SNRPD3: variants seen among roughly 807,000 people sequenced by gnomAD.
SNRPD3 encodes the protein small nuclear ribonucleoprotein D3 polypeptide, also known as small nuclear ribonucleoprotein Sm D3.
For synonymous variants in SNRPD3, 66 were observed against 58.4 expected, an observed-to-expected ratio of 1.13 and a Z score of -0.59; for missense variants, 73 against 167.5, an observed-to-expected ratio of 0.44 and a Z score of 3.11.
At chr22:24,565,108 C>T (rs1274319926) in intron 2 of SNRPD3, among the ~76,000 whole-genome samples, 1 of 151,944 alleles carries the variant, frequency 6.6e-6, no homozygotes, top group African/African-American at 2.4e-5. Flanking sequence ...TGGTCTCAAA[C>T]TCCTGACCTC....
intron 1 of SNRPD3, among the ~76,000 whole-genome samples, chr22:24,556,366 GT>G (rs1381490390): frequency 1.2e-4 from 7 of 56,478 alleles, no homozygotes; most frequent in East Asian, 5.1e-4. Context: ...AATCCTATGA[GT>G]TTTTTTTTGT....
chr22:24,557,731 A>T lies in SNRPD3; in HGVS notation c.57A>T (p.Thr19=). 1 of 1,612,902 alleles carries T rather than the reference A, an allele frequency of 6.2e-7. No individual in the cohort carries two copies. The highest frequency in any genetic ancestry group is 8.5e-7 in the Non-Finnish European group (1 of 1,179,324). ...VLHEAEGHIV[T]CETNTGEVYR... ...ATGAGGCCGAGGGCCACATTGTGAC[A>T]TGTGAGACGAACACCGGTGAGGTAT... Residue 19 remains threonine, a synonymous_variant, in exon 2 of 4, where the codon ACA becomes ACT. Coordinates refer to ENST00000215829, the MANE Select transcript of SNRPD3 (RefSeq NM_004175.5).
intron 2 of SNRPD3, among the ~76,000 whole-genome samples, chr22:24,560,715 CTTTTTTTT>C (rs59348518): frequency 0.079 from 7,776 of 98,608 alleles, 1,739 homozygotes; most frequent in Non-Finnish European, 0.098. Flanking sequence ...TGCACCTGGC[CTTTTTTTT>C]TTTTTTTTTT....
chr22:24,574,363 A>G lies in SNRPD3; in HGVS notation c.*2386A>G, dbSNP rs1222969454. Among the ~76,000 whole-genome samples the G allele has an allele frequency of 1.3e-5, 2 of 152,222 alleles. No homozygotes were observed. Among genetic ancestry groups the G allele is most frequent in the African/African-American group, 4.8e-5 (2 of 41,464 alleles). On this transcript the variant is annotated 3_prime_UTR_variant, in exon 4 of 4. Coordinates refer to ENST00000215829, the MANE Select transcript of SNRPD3 (RefSeq NM_004175.5). Reference sequence around the variant, plus strand: ...ATCCTGCATCTTAGGGGGGAAAATCAGTTGACGCAGATTGAAAACAAGTTG... The same window carrying G: ...ATCCTGCATCTTAGGGGGGAAAATCGGTTGACGCAGATTGAAAACAAGTTG...
At position 24,556,007 on chromosome 22, in the gene SNRPD3, G is replaced by C. The variant is rs1189461139; in HGVS notation, c.-83G>C. 1 of 645,866 alleles carries C rather than the reference G, an allele frequency of 1.5e-6. No individual in the cohort carries two copies. 40.0% of individuals were successfully genotyped at this position (645,866 alleles called of 1,614,324 possible). The stretch of plus-strand genomic sequence containing the variant: ...TGGGTGTTAGGCCCGCCATTCGCTT[G>C]ACTCACGCCTTCGCCGTAGCATCTT... On this transcript the variant is annotated 5_prime_UTR_variant, in exon 1 of 4. Coordinates refer to ENST00000215829, the MANE Select transcript of SNRPD3 (RefSeq NM_004175.5).
intron 3 of SNRPD3, among the ~76,000 whole-genome samples, chr22:24,570,444 G>A (rs1166463562): frequency 6.6e-6 from 1 of 152,170 alleles, no homozygotes; most frequent in African/African-American, 2.4e-5. Flanking sequence ...TAGCACTTTG[G>A]GAGGCCGAGG....
intron 3 of SNRPD3, among the ~76,000 whole-genome samples, chr22:24,570,266 G>A (rs908475127): frequency 1.3e-5 from 2 of 152,244 alleles, no homozygotes; most frequent in Non-Finnish European, 2.9e-5. Context: ...TCAAGAGAGA[G>A]ATTCTGTCTC....
chr22:24,566,394 C>T (rs1308272263), intron 2 of SNRPD3, among the ~76,000 whole-genome samples: 1 of 152,158 alleles, frequency 6.6e-6, no homozygotes, highest in African/African-American at 2.4e-5. Context: ...ACCTCAGCTT[C>T]CCGAGTAGCT....
intron 3 of SNRPD3, among the ~76,000 whole-genome samples, chr22:24,568,809 C>A (rs1194636452): frequency 6.6e-6 from 1 of 152,154 alleles, no homozygotes; most frequent in Non-Finnish European, 1.5e-5. Flanking sequence ...CCTGCCTCAG[C>A]CTCCCAAAGT....
chr22:24,571,805 A>G, intron 3 of SNRPD3, 111 bp from the exon 4 acceptor site: 3 of 1,004,150 alleles, frequency 3.0e-6, no homozygotes, highest in African/African-American at 1.6e-5. Flanking sequence ...GTGTTGGACC[A>G]GGTAACCCTT....
At chr22:24,555,688 C>T (rs1314044664), upstream of SNRPD3, 17 of 1,550,568 alleles carry the variant, frequency 1.1e-5, no homozygotes, top group Admixed American at 2.4e-4. Flanking sequence ...CTGCTGTCCC[C>T]GGTCTGAGGG....
intron 2 of SNRPD3, among the ~76,000 whole-genome samples, chr22:24,560,728 T>TCC (rs2045131300): frequency 1.1e-5 from 1 of 95,166 alleles, no homozygotes; most frequent in African/African-American, 3.4e-5. Flanking sequence ...TTTTTTTTTT[T>TCC]TTTTTTTTTT....
In SNRPD3 at chr22:24,563,201, CATATATGT is replaced by C. The variant is rs1419259513; in HGVS notation, c.127-4782_127-4775del. ...TGGGCAACACAGTGAGACCCTGTCTCATATATGTGTGTGTGTGTGTGTGTGTGTGTGTG... is the reference window on the plus strand; with the variant it reads ...TGGGCAACACAGTGAGACCCTGTCTCGTGTGTGTGTGTGTGTGTGTGTGTG... On this transcript the variant is annotated intron_variant, in intron 2 of 3. Coordinates refer to ENST00000215829, the MANE Select transcript of SNRPD3 (RefSeq NM_004175.5). 3.5e-4 allele frequency among the ~76,000 whole-genome samples: 42 copies of C among 121,662 alleles called. 1 individual carries two copies. The highest frequency in any genetic ancestry group is 7.6e-4 in the Admixed American group (10 of 13,086). 79.8% of individuals were successfully genotyped at this position (121,662 alleles called of 152,430 possible).
At chr22:24,562,744 AAGT>A (rs1021349825) in intron 2 of SNRPD3, among the ~76,000 whole-genome samples, 1 of 152,170 alleles carries the variant, frequency 6.6e-6, no homozygotes, top group African/African-American at 2.4e-5. Context: ...GGCAGGATAA[AAGT>A]AGATGCATAG....
At chr22:24,567,248 G>A (rs1013236279) in intron 2 of SNRPD3, among the ~76,000 whole-genome samples, 2 of 152,230 alleles carry the variant, frequency 1.3e-5, no homozygotes, top group African/African-American at 2.4e-5. Context: ...GTGCCAGGCA[G>A]TGCAGGGGAA....
intron 2 of SNRPD3, among the ~76,000 whole-genome samples, chr22:24,565,103 T>TAA (rs1439399358): frequency 1.1e-4 from 17 of 152,132 alleles, no homozygotes; most frequent in African/African-American, 4.1e-4. Context: ...CAGGCTGGTC[T>TAA]CAAACTCCTG....
chr22:24,565,800 A>T (rs559899624), intron 2 of SNRPD3, among the ~76,000 whole-genome samples: 42 of 152,238 alleles, frequency 2.8e-4, no homozygotes, highest in Admixed American at 7.8e-4. Flanking sequence ...AGGTGGGACT[A>T]CAGGCACCTG....
chr22:24,556,759 C>T (rs975717120), intron 1 of SNRPD3, among the ~76,000 whole-genome samples: 2 of 152,258 alleles, frequency 1.3e-5, no homozygotes, highest in Admixed American at 1.3e-4. Flanking sequence ...ACTCCTAAGG[C>T]TGAAAGCCAG....
At chr22:24,555,955 G>A, upstream of SNRPD3, 2 of 967,750 alleles carry the variant, frequency 2.1e-6, no homozygotes, top group Admixed American at 2.5e-5. Flanking sequence ...GGCCCTGCGC[G>A]CAGCATTTTG....
Sources: gnomAD v4.1 joint callset for allele counts (sites outside exome capture counted in the v4.1 genomes callset) on GRCh38, gnomAD v4.1.1 for gene constraint, MANE v1.5 for transcripts, NCBI Gene and HGNC (gene_info 2026-07-23, HGNC 2026-07-21) for gene names.